ZNF398: variants seen among roughly 807,000 people sequenced by gnomAD.
ZNF398 encodes zinc finger DNA binding protein ZER6.
In ZNF398, 18 loss-of-function variants were observed where a neutral mutation model predicts 41.9. The ratio of observed to expected loss-of-function variants is 0.43; its 90% CI spans 0.30 to 0.64. The LOEUF (loss-of-function observed/expected upper bound fraction) is 0.64, where lower values mean the gene tolerates loss of function less well. ZNF398 is among the 30% of genes least tolerant of loss of function. The probability of loss-of-function intolerance (pLI) is 0.14; values close to 1 mark genes in which losing one functional copy is unlikely to be tolerated. For missense variants in ZNF398, 669 were observed against 822.8 expected (o/e 0.81, Z 2.29); for synonymous variants, 260 against 308.8 (o/e 0.84, Z 1.66).
At chr7:149,155,683 T>TTATATA (rs757578727) in intron 2 of ZNF398, among the ~76,000 whole-genome samples, 55 of 110,846 alleles carry the variant, frequency 5.0e-4, no homozygotes, top group Admixed American at 7.5e-4. Flanking sequence ...TTATATTTGG[T>TTATATA]TATATATATA....
chr7:149,128,290 G>A (rs1826526904), intron 1 of ZNF398, among the ~76,000 whole-genome samples: 1 of 152,102 alleles, frequency 6.6e-6, no homozygotes, highest in Non-Finnish European at 1.5e-5. Context: ...GGTCACAGGC[G>A]GATTCAGCGA....
intron 5 of ZNF398, among the ~76,000 whole-genome samples, chr7:149,177,917 G>C (rs1795494950): frequency 6.6e-6 from 1 of 152,160 alleles, no homozygotes; most frequent in African/African-American, 2.4e-5. Context: ...GGGAGGCTGA[G>C]GCAGGTGGAT....
At chr7:149,169,645 G>A (rs1362271669) in intron 4 of ZNF398, among the ~76,000 whole-genome samples, 2 of 151,802 alleles carry the variant, frequency 1.3e-5, no homozygotes. Flanking sequence ...GGAGATGGGG[G>A]TTTGCCATGT....
upstream of ZNF398, among the ~76,000 whole-genome samples, chr7:149,145,345 T>C (rs1001245825): frequency 5.9e-5 from 9 of 152,134 alleles, no homozygotes; most frequent in Non-Finnish European, 1.0e-4. Flanking sequence ...GACAGAAATA[T>C]AGTTATAATT....
At position 149,179,919 on chromosome 7, in the gene ZNF398, T is replaced by A; in HGVS notation, c.*118T>A. 1 of 975,584 alleles carries A rather than the reference T, an allele frequency of 1.0e-6. No homozygotes were observed. The highest frequency in any genetic ancestry group is 1.4e-6 in the Non-Finnish European group (1 of 689,946). 60.4% of individuals were successfully genotyped at this position (975,584 alleles called of 1,614,324 possible). ...AATTATTATCTGGCACATCAATGAATTTGGGGTCCTATACACTTGACTAGA... is the reference window on the plus strand; with the variant it reads ...AATTATTATCTGGCACATCAATGAAATTGGGGTCCTATACACTTGACTAGA... On this transcript the variant is annotated 3_prime_UTR_variant, in exon 6 of 6. Coordinates refer to ENST00000475153, the MANE Select transcript of ZNF398 (RefSeq NM_170686.3). This position sits in a 1 kb window ranked among gnomAD's most constrained non-coding sequence, Gnocchi z 6.1.
Position 149,167,575 on chromosome 7 carries a change from A to G in ZNF398, c.661+645A>G, listed in dbSNP as rs116488270. 8.7e-3 allele frequency among the ~76,000 whole-genome samples: 1,319 copies of G among 150,894 alleles called. 9 individuals carry two copies. The highest frequency in any genetic ancestry group is 0.015 in the African/African-American group (633 of 40,984). ...TTGATCCTCCGGGCATCTCTATTAT[A>G]TGAACTTCTCTTACAACCCACCCGC... On this transcript the variant is annotated intron_variant, in intron 4 of 5. Transcript: ENST00000475153.
intron 2 of ZNF398, among the ~76,000 whole-genome samples, chr7:149,135,422 A>G (rs1826689311): frequency 7.7e-6 from 1 of 130,112 alleles, no homozygotes; most frequent in South Asian, 2.4e-4. Flanking sequence ...GAAAGAAAGA[A>G]AAAAAGAAAG....
chr7:149,126,466 C>T (rs1352329398), exon 1 of ZNF398: 24 of 601,784 alleles, frequency 4.0e-5, no homozygotes, highest in Admixed American at 7.2e-5. Context: ...CCGCAGCACG[C>T]CGGTCTTTGA....
intron 4 of ZNF398, among the ~76,000 whole-genome samples, chr7:149,172,698 G>A (rs769301857): frequency 4.6e-5 from 7 of 152,130 alleles, no homozygotes; most frequent in Admixed American, 6.6e-5. Flanking sequence ...ACCTCAAACT[G>A]CAAAAGTTAC....
At chr7:149,138,080 G>A (rs1360666322) in intron 2 of ZNF398, among the ~76,000 whole-genome samples, 1 of 151,260 alleles carries the variant, frequency 6.6e-6, no homozygotes, top group African/African-American at 2.4e-5. Flanking sequence ...GCACGCCTGT[G>A]ATCCCAGCTA....
chr7:149,139,449 G>A (rs1215767904), intron 2 of ZNF398, among the ~76,000 whole-genome samples: 6 of 152,114 alleles, frequency 3.9e-5, no homozygotes, highest in African/African-American at 9.7e-5. Flanking sequence ...TGTGCCGGGC[G>A]CGGTGGCTCA....
intron 2 of ZNF398, among the ~76,000 whole-genome samples, chr7:149,136,085 T>C (rs1210228139): frequency 6.6e-6 from 1 of 152,150 alleles, no homozygotes; most frequent in African/African-American, 2.4e-5. Flanking sequence ...GTCATAAATA[T>C]TTGGTTTTGT....
rs901745934 is a variant in ZNF398 at position 149,137,990 on chromosome 7, G to A, written c.-490+9046G>A. 2.1e-3 allele frequency among the ~76,000 whole-genome samples: 306 copies of A among 144,600 alleles called. 1 individual carries two copies. Among genetic ancestry groups the A allele is most frequent in the African/African-American group, 7.4e-3 (291 of 39,234 alleles). 94.9% of individuals were successfully genotyped at this position (144,600 alleles called of 152,430 possible). A position where few individuals can be genotyped will look rare whatever the true frequency, so the allele number is the denominator to read the frequency against. ...CGAGGCGGGCGGATCACCTGAGGTCGGGAGTTCAAGACCACCCTGACCAAT... is the reference window on the plus strand; with the variant it reads ...CGAGGCGGGCGGATCACCTGAGGTCAGGAGTTCAAGACCACCCTGACCAAT... On this transcript the variant is annotated intron_variant, in intron 2 of 6. Transcript: ENST00000426851.
intron 4 of ZNF398, among the ~76,000 whole-genome samples, chr7:149,171,160 C>T (rs1369075351): frequency 6.6e-6 from 1 of 150,880 alleles, no homozygotes; most frequent in African/African-American, 2.4e-5. Context: ...GAAATTTTTT[C>T]TTTAACCATA....
At chr7:149,151,570 T>TGG (rs1827114491) in intron 1 of ZNF398, among the ~76,000 whole-genome samples, 1 of 152,280 alleles carries the variant, frequency 6.6e-6, no homozygotes, top group Admixed American at 6.5e-5. Context: ...TAAATTATTT[T>TGG]GGAGCAGCCT....
chr7:149,155,843 C>T (rs1207428915), intron 2 of ZNF398, among the ~76,000 whole-genome samples: 1 of 151,088 alleles, frequency 6.6e-6, no homozygotes, highest in Non-Finnish European at 1.5e-5. Context: ...TCTCCTGCCT[C>T]AGCCTCCTGA....
At chr7:149,126,481 C>T (rs944007695) in exon 1 of ZNF398, 2 of 548,146 alleles carry the variant, frequency 3.6e-6, no homozygotes, top group East Asian at 3.4e-5. Context: ...CTTTGAGGGA[C>T]CCTTGGACTC....
chr7:149,154,449 A>G (rs1221945921), intron 2 of ZNF398, 109 bp downstream of exon 2: 2 of 1,249,988 alleles, frequency 1.6e-6, no homozygotes, highest in African/African-American at 3.0e-5. Context: ...AGTTTCTTAA[A>G]ATATCTCAGT....
At chr7:149,133,710 C>T (rs13247765) in intron 2 of ZNF398, among the ~76,000 whole-genome samples, 1,354 of 67,276 alleles carry the variant, frequency 0.02, 49 homozygotes, top group African/African-American at 0.078. Context: ...TATATACACA[C>T]ATATATATGT....
Sources: gnomAD v4.1 joint callset for allele counts (sites outside exome capture counted in the v4.1 genomes callset) on GRCh38, gnomAD v4.1.1 for gene constraint, Gnocchi (gnomAD v3.1) non-coding constraint, MANE v1.5 for transcripts, NCBI Gene and HGNC (gene_info 2026-07-23, HGNC 2026-07-21) for gene names.